Variants in KITLG observed in about 807,000 individuals in gnomAD.
KITLG encodes the protein KIT ligand, also known as c-Kit ligand.
A neutral mutation model predicts 34.1 loss-of-function variants in KITLG; 13 were observed. The ratio of observed to expected loss-of-function variants is 0.38; its 90% CI spans 0.25 to 0.61. The LOEUF (loss-of-function observed/expected upper bound fraction) is 0.61. Among genes scored for constraint, KITLG ranks in the 20% least tolerant of loss-of-function variants. KITLG has a pLI of 0.60. For synonymous variants in KITLG, 110 were observed against 104.0 expected (o/e 1.06, Z -0.35); for missense variants, 292 against 318.9 (o/e 0.92, Z 0.64).
chr12:88,534,229 G>T (rs1007428167), intron 2 of KITLG, among the ~76,000 whole-genome samples: 1 of 152,144 alleles, frequency 6.6e-6, no homozygotes, highest in Non-Finnish European at 1.5e-5. Context: ...TCCCTGGAGA[G>T]AAGAGCCTCC....
In KITLG at chr12:88,516,441, T is replaced by C; in HGVS notation, c.413A>G (p.Glu138Gly). Residue 138 changes from glutamate (E) to glycine (G), a missense_variant, in exon 5 of 10, where the codon GAA (glutamate) becomes GGA (glycine). By Grantham distance (98) the Glu-to-Gly change is moderately conservative. This residue lies in a region of KITLG where 152 missense variants were observed against 207.9 expected (regional missense o/e 0.73). Transcript: ENST00000644744. ...TCTATTAAAAATTCTAAAGAATTCTTCAGGAGTAAAGAGCCTGGGTTCTGG... is the reference window on the plus strand; with the variant it reads ...TCTATTAAAAATTCTAAAGAATTCTCCAGGAGTAAAGAGCCTGGGTTCTGG... The part of the protein sequence containing the change: ...KSPEPRLFTP[E>G]EFFRIFNRSI... 1.2e-6 allele frequency: 2 copies of C among 1,608,860 alleles called. No homozygotes were observed. The highest frequency in any genetic ancestry group is 1.7e-6 in the Non-Finnish European group (2 of 1,176,982).
chr12:88,571,106 A>T (rs1871636238), intron 1 of KITLG, among the ~76,000 whole-genome samples: 1 of 152,156 alleles, frequency 6.6e-6, no homozygotes, highest in African/African-American at 2.4e-5. Flanking sequence ...ATTGGTTTTA[A>T]TTTTTTTATT....
chr12:88,560,744 C>T (rs1364733780), intron 1 of KITLG, among the ~76,000 whole-genome samples: 11 of 151,796 alleles, frequency 7.2e-5, no homozygotes, highest in South Asian at 2.1e-4. Context: ...CTGAGGCGGG[C>T]GGATCACAAG....
At chr12:88,572,387 C>A (rs1347665356) in intron 1 of KITLG, among the ~76,000 whole-genome samples, 1 of 151,040 alleles carries the variant, frequency 6.6e-6, no homozygotes, top group African/African-American at 2.4e-5. Flanking sequence ...ATCAAGCAAG[C>A]CTAATAAATG....
At chr12:88,542,454 T>C (rs995808195) in intron 2 of KITLG, among the ~76,000 whole-genome samples, 1 of 152,128 alleles carries the variant, frequency 6.6e-6, no homozygotes, top group Non-Finnish European at 1.5e-5. Flanking sequence ...GTGGAGCTGG[T>C]ATTAAAAAAA....
At chr12:88,532,409 T>A (rs368072868) in intron 3 of KITLG, 32 bp downstream of exon 3, 2 of 1,508,190 alleles carry the variant, frequency 1.3e-6, no homozygotes, top group Non-Finnish European at 1.8e-6. Context: ...TATGAGCTAC[T>A]AAAATGAAAC....
At chr12:88,549,867 AC>A in intron 1 of KITLG, among the ~76,000 whole-genome samples, 1 of 152,256 alleles carries the variant, frequency 6.6e-6, no homozygotes, top group African/African-American at 2.4e-5. Context: ...AAGAGTGAGA[AC>A]CCACAAAAGA....
At chr12:88,530,610 T>C (rs1870049307) in intron 3 of KITLG, among the ~76,000 whole-genome samples, 1 of 152,166 alleles carries the variant, frequency 6.6e-6, no homozygotes, top group African/African-American at 2.4e-5. Context: ...TAGTTTTTCC[T>C]AACTAAATAC....
At chr12:88,552,814 C>T (rs1870964336) in intron 1 of KITLG, among the ~76,000 whole-genome samples, 1 of 151,380 alleles carries the variant, frequency 6.6e-6, no homozygotes, top group Admixed American at 6.6e-5. Flanking sequence ...ATCCAGAAAA[C>T]CTCTCAGTCC....
At chr12:88,572,598 TATATA>T (rs1566037902) in intron 1 of KITLG, among the ~76,000 whole-genome samples, 1 of 139,816 alleles carries the variant, frequency 7.2e-6, no homozygotes, top group African/African-American at 2.7e-5. Flanking sequence ...TACATTATTA[TATATA>T]TATATATATA....
chr12:88,512,429 T>C (rs548241983), intron 6 of KITLG, among the ~76,000 whole-genome samples: 1 of 152,062 alleles, frequency 6.6e-6, no homozygotes. Context: ...CTAACATATA[T>C]GCAAGTAGTA....
At chr12:88,542,957 C>T (rs1274539499) in intron 2 of KITLG, among the ~76,000 whole-genome samples, 2 of 152,094 alleles carry the variant, frequency 1.3e-5, no homozygotes, top group Non-Finnish European at 2.9e-5. Context: ...AAATAAGAGT[C>T]AAGACATTTT....
intron 3 of KITLG, among the ~76,000 whole-genome samples, chr12:88,520,238 C>T (rs556753730): frequency 3.3e-5 from 5 of 152,294 alleles, no homozygotes; most frequent in Non-Finnish European, 5.9e-5. Context: ...TAAATCAGTG[C>T]TTACTTCAAG....
At chr12:88,555,788 C>T (rs1222023056) in intron 1 of KITLG, among the ~76,000 whole-genome samples, 3 of 152,134 alleles carry the variant, frequency 2.0e-5, no homozygotes, top group Non-Finnish European at 2.9e-5. Context: ...CTTCTAGTAA[C>T]ATTATCCCAG....
intron 3 of KITLG, among the ~76,000 whole-genome samples, chr12:88,530,271 T>C (rs1870035294): frequency 6.6e-6 from 1 of 152,114 alleles, no homozygotes; most frequent in African/African-American, 2.4e-5. Flanking sequence ...TAACCCAGGG[T>C]TAAGAGTCTG....
At position 88,494,625 on chromosome 12, in the gene KITLG, A is replaced by C. The variant is rs997682582; in HGVS notation, c.*2594T>G. On this transcript the variant is annotated 3_prime_UTR_variant, in exon 10 of 10. Transcript: ENST00000644744. Reference sequence around the variant, plus strand: ...CAATATCCAGGAACACTTCATTATCACTCAGGAGGCAACATTTATCATAAA... The same window carrying C: ...CAATATCCAGGAACACTTCATTATCCCTCAGGAGGCAACATTTATCATAAA... The C allele has an allele frequency of 6.6e-6, 1 of 152,356 alleles. No homozygotes were observed. Among genetic ancestry groups the C allele is most frequent in the African/African-American group, 2.4e-5 (1 of 41,408 alleles). 9.4% of individuals were successfully genotyped at this position (152,356 alleles called of 1,614,324 possible).
At chr12:88,577,125 T>C (rs1015635716) in intron 1 of KITLG, among the ~76,000 whole-genome samples, 1 of 152,166 alleles carries the variant, frequency 6.6e-6, no homozygotes, top group Non-Finnish European at 1.5e-5. Flanking sequence ...AATTGAGTGA[T>C]CTTAAGGACA....
intron 9 of KITLG, among the ~76,000 whole-genome samples, chr12:88,504,412 A>G (rs1276313710): frequency 2.0e-5 from 3 of 152,232 alleles, no homozygotes; most frequent in Admixed American, 6.5e-5. Flanking sequence ...AAACAAATTT[A>G]CAAGAAAAAA....
At chr12:88,518,919 A>G in intron 3 of KITLG, 52 bp from the exon 4 acceptor site, 1 of 1,521,330 alleles carries the variant, frequency 6.6e-7, no homozygotes, top group Non-Finnish European at 9.0e-7. Context: ...AGTAAGTGCC[A>G]TAAAACTCGG....
Sources: allele counts gnomAD v4.1 joint callset (sites outside exome capture counted in the v4.1 genomes callset), GRCh38; gene constraint gnomAD v4.1.1; regional missense constraint gnomAD v4.1.1; transcripts MANE v1.5; gene names NCBI Gene and HGNC (gene_info 2026-07-23, HGNC 2026-07-21).